The following BLTP1 variants were observed in gnomAD, a reference collection of about 807,000 sequenced individuals.
BLTP1 encodes the protein bridge-like lipid transfer protein family member 1.
the BLTP1 span, chr4:122,254,944 G>A: frequency 1.2e-6 from 2 of 1,607,388 alleles, no homozygotes; most frequent in Non-Finnish European, 1.7e-6. Context: ...CATAATGACA[G>A]AAGCATTAGA....
chr4:122,157,734 T>G, the BLTP1 span, among the ~76,000 whole-genome samples: 1 of 152,196 alleles, frequency 6.6e-6, no homozygotes, highest in Non-Finnish European at 1.5e-5. Flanking sequence ...GGCTCACTAG[T>G]TTAGCTGCTG....
the BLTP1 span, among the ~76,000 whole-genome samples, chr4:122,196,300 A>T: frequency 6.6e-6 from 1 of 152,126 alleles, no homozygotes; most frequent in Non-Finnish European, 1.5e-5. Flanking sequence ...AGATTGAGTA[A>T]CTTGTCCAGG....
chr4:122,199,329 G>C, the BLTP1 span: 2 of 1,605,598 alleles, frequency 1.2e-6, no homozygotes, highest in Non-Finnish European at 1.7e-6. Flanking sequence ...TTGTTTTCCT[G>C]GTTCTTAGTT....
At chr4:122,269,431 G>C in the BLTP1 span, 1 of 985,244 alleles carries the variant, frequency 1.0e-6, no homozygotes, top group Non-Finnish European at 1.2e-6. Context: ...CATTGCGTTT[G>C]GTCTAGCTGA....
At chr4:122,270,575 G>A in the BLTP1 span, among the ~76,000 whole-genome samples, 1 of 151,758 alleles carries the variant, frequency 6.6e-6, no homozygotes, top group East Asian at 1.9e-4. Flanking sequence ...TTTCAACTTA[G>A]CATGAGGGCT....
the BLTP1 span, chr4:122,325,523 T>G: frequency 1.0e-6 from 1 of 984,878 alleles, no homozygotes; most frequent in Non-Finnish European, 1.2e-6. Context: ...GTGTTAGTAT[T>G]TTACATTTTA....
At chr4:122,337,976 A>G in the BLTP1 span, among the ~76,000 whole-genome samples, 2 of 151,830 alleles carry the variant, frequency 1.3e-5, no homozygotes, top group Non-Finnish European at 2.9e-5. Context: ...TTCAGGGTTT[A>G]GTTGATCCTC....
chr4:122,209,090 C>T, the BLTP1 span: 4 of 1,409,382 alleles, frequency 2.8e-6, no homozygotes, highest in Admixed American at 3.2e-5. Flanking sequence ...GACAGGTTTG[C>T]CCGTAAGTAT....
At chr4:122,155,845 T>A in the BLTP1 span, 24 of 183,312 alleles carry the variant, frequency 1.3e-4, no homozygotes, top group South Asian at 4.5e-3. Flanking sequence ...AGGTGGGAAA[T>A]GAGAACTGCA....
the BLTP1 span, chr4:122,263,173 A>G: frequency 1.0e-6 from 1 of 984,132 alleles, no homozygotes; most frequent in Non-Finnish European, 1.2e-6. Flanking sequence ...CTTAGTTTGC[A>G]TTTTTAAATT....
the BLTP1 span, chr4:122,328,095 TACAA>T: frequency 1.3e-6 from 2 of 1,514,578 alleles, no homozygotes; most frequent in Non-Finnish European, 1.8e-6. Flanking sequence ...TTTTTCTTTT[TACAA>T]TCAGTTTCCA....
chr4:122,247,880 C>G, the BLTP1 span: 1 of 975,990 alleles, frequency 1.0e-6, no homozygotes, highest in Non-Finnish European at 1.2e-6. Context: ...TTATTTAGCA[C>G]ATTTTATCAT....
chr4:122,331,305 G>C, the BLTP1 span: 1 of 1,598,734 alleles, frequency 6.3e-7, no homozygotes, highest in Admixed American at 1.7e-5. Flanking sequence ...ACAATGTAAT[G>C]ATCAATTGTT....
the BLTP1 span, chr4:122,171,651 T>G: frequency 5.6e-6 from 1 of 179,562 alleles, no homozygotes; most frequent in Non-Finnish European, 1.1e-5. Flanking sequence ...GTTTTTTTTT[T>G]TTTTTTTTTC....
the BLTP1 span, chr4:122,361,970 C>T: frequency 6.4e-7 from 1 of 1,562,724 alleles, no homozygotes; most frequent in Non-Finnish European, 8.7e-7. Flanking sequence ...TCTTTTCCTA[C>T]CATTAGAACC....
the BLTP1 span, chr4:122,356,525 T>C: frequency 6.4e-6 from 8 of 1,259,824 alleles, no homozygotes; most frequent in Admixed American, 1.3e-4. Flanking sequence ...TTCTTTACAG[T>C]TGCATTTCAT....
At chr4:122,265,636 G>A in the BLTP1 span, among the ~76,000 whole-genome samples, 7 of 152,274 alleles carry the variant, frequency 4.6e-5, no homozygotes, top group Non-Finnish European at 8.8e-5. Flanking sequence ...TAGGACAATC[G>A]GAAATACAGG....
chr4:122,188,607 ATT>A, the BLTP1 span, among the ~76,000 whole-genome samples: 7 of 144,298 alleles, frequency 4.9e-5, no homozygotes, highest in African/African-American at 1.0e-4. Context: ...CTAGCTTTCC[ATT>A]TTTTTTTTTT....
At chr4:122,327,660 C>G in the BLTP1 span, among the ~76,000 whole-genome samples, 1 of 150,260 alleles carries the variant, frequency 6.7e-6, no homozygotes, top group Non-Finnish European at 1.5e-5. Context: ...TTTAAAAGAT[C>G]CACAAAAAGC....
Sources: allele counts gnomAD v4.1 joint callset (sites outside exome capture counted in the v4.1 genomes callset), GRCh38; gene constraint gnomAD v4.1.1; transcripts MANE v1.5; gene names NCBI Gene and HGNC (gene_info 2026-07-23, HGNC 2026-07-21).